LMX1B: variants seen among roughly 807,000 people sequenced by gnomAD.
The protein encoded by LMX1B is LIM homeobox transcription factor 1-beta.
LMX1B carries 12 observed loss-of-function variants against 51.4 expected under a neutral mutation model. The observed-to-expected ratio is 0.23, with a 90% CI of 0.15 to 0.38. The LOEUF is 0.38. LMX1B is among the 10% of genes least tolerant of loss of function. The pLI is 1.00. For missense variants in LMX1B, 445 were observed against 571.1 expected (o/e 0.78, Z 2.25); for synonymous variants, 237 against 235.4 (o/e 1.01, Z -0.06).
At chr9:126,670,436 A>G (rs1836428406) in intron 2 of LMX1B, among the ~76,000 whole-genome samples, 2 of 152,204 alleles carry the variant, frequency 1.3e-5, no homozygotes, top group Admixed American at 1.3e-4. Flanking sequence ...TGTGGCCAGT[A>G]TGTGTGCATA....
At position 126,641,030 on chromosome 9, in the gene LMX1B, C is replaced by T. The variant is rs1319877014; in HGVS notation, c.326+25461C>T. The T allele has an allele frequency of 6.6e-6, 1 of 152,272 alleles. No homozygotes were observed. Among genetic ancestry groups the T allele is most frequent in the African/African-American group, 2.4e-5 (1 of 41,450 alleles). The allele number at this position is 152,272 out of a possible 1,614,324, so 9.4% of individuals were successfully genotyped here. ...TCCAGAAGCACTTCCAAGTGACCTG[C>T]CTGGAAGTGACCAGGGGAAACGGTC... On this transcript the variant is annotated intron_variant, in intron 2 of 7. Transcript: ENST00000373474. This position sits in a 1 kb window ranked among gnomAD's most constrained non-coding sequence, Gnocchi z 4.1.
intron 2 of LMX1B, among the ~76,000 whole-genome samples, chr9:126,681,526 TG>T (rs1248786885): frequency 2.0e-5 from 3 of 152,076 alleles, no homozygotes; most frequent in Non-Finnish European, 4.4e-5. Flanking sequence ...ACACCTTCAC[TG>T]TGCTAACTTC....
rs192600116 is a variant in LMX1B at position 126,675,395 on chromosome 9, G to T, written c.327-15441G>T. ...ACATTTCAGTATTAAATTATGGAAT[G>T]CATTACCTCTTCAAAAACAAATTCA... On this transcript the variant is annotated intron_variant, in intron 2 of 7. Coordinates refer to ENST00000373474, the MANE Select transcript of LMX1B (RefSeq NM_001174147.2). 2.5e-3 allele frequency among the ~76,000 whole-genome samples: 379 copies of T among 152,330 alleles called. 1 individual carries two copies. Among genetic ancestry groups the T allele is most frequent in the Admixed American group, 5.4e-3 (82 of 15,294 alleles).
At chr9:126,645,018 C>A (rs188631067) in intron 2 of LMX1B, among the ~76,000 whole-genome samples, 1 of 152,170 alleles carries the variant, frequency 6.6e-6, no homozygotes, top group South Asian at 2.1e-4. Context: ...TGGAGACACT[C>A]GGCTCCCCTG....
chr9:126,621,078 T>C (rs1158945126), intron 2 of LMX1B, among the ~76,000 whole-genome samples: 1 of 152,260 alleles, frequency 6.6e-6, no homozygotes, highest in East Asian at 1.9e-4. Flanking sequence ...GCCTTTGTCC[T>C]GAGGCTCTGG....
chr9:126,633,407 C>T (rs567034126), intron 2 of LMX1B, among the ~76,000 whole-genome samples: 116 of 152,290 alleles, frequency 7.6e-4, no homozygotes, highest in African/African-American at 2.7e-3. Context: ...AATGAATGAA[C>T]GGTGCTTACC....
intron 2 of LMX1B, among the ~76,000 whole-genome samples, chr9:126,647,418 CT>C (rs974335248): frequency 6.6e-6 from 1 of 152,174 alleles, no homozygotes; most frequent in African/African-American, 2.4e-5. Flanking sequence ...GCTGCACATG[CT>C]TTTTGGCAGC....
chr9:126,648,245 C>T (rs752047872), intron 2 of LMX1B, among the ~76,000 whole-genome samples: 3 of 152,196 alleles, frequency 2.0e-5, no homozygotes, highest in Non-Finnish European at 2.9e-5. Context: ...CTGTGCTCGG[C>T]ACTAATAGCC....
chr9:126,656,170 C>G (rs1373667201), intron 2 of LMX1B, among the ~76,000 whole-genome samples: 1 of 152,012 alleles, frequency 6.6e-6, no homozygotes, highest in South Asian at 2.1e-4. Context: ...TATATTTTTA[C>G]CAAATTTATT....
rs1350232013 is a variant in LMX1B, at chr9:126,673,212, G to A, written c.327-17624G>A. Among the ~76,000 whole-genome samples, 1 of 152,182 alleles carries A rather than the reference G, an allele frequency of 6.6e-6. No homozygotes were observed. Among genetic ancestry groups the A allele is most frequent in the Admixed American group, 6.5e-5 (1 of 15,280 alleles). ...CTGGCTCACAGCAGGTATCCATGCT[G>A]GGGTCTGGGGGAGCCCCAGACACCA... On this transcript the variant is annotated intron_variant, in intron 2 of 7. Coordinates refer to ENST00000373474, the MANE Select transcript of LMX1B (RefSeq NM_001174147.2). This position sits in a 1 kb window ranked among gnomAD's most constrained non-coding sequence, Gnocchi z 4.4.
intron 7 of LMX1B, 108 bp from the exon 8 acceptor site, chr9:126,696,186 G>T (rs555007023): frequency 3.9e-6 from 5 of 1,268,386 alleles, no homozygotes; most frequent in South Asian, 1.2e-5. Context: ...TAGTCAGCAG[G>T]CCATCCTGTC....
At chr9:126,657,793 C>T (rs972564782) in intron 2 of LMX1B, among the ~76,000 whole-genome samples, 2 of 152,196 alleles carry the variant, frequency 1.3e-5, no homozygotes, top group East Asian at 1.9e-4. Flanking sequence ...GTCAAGGAAC[C>T]GCAGGGAGCT....
At chr9:126,676,884 C>T (rs1440883640) in intron 2 of LMX1B, among the ~76,000 whole-genome samples, 1 of 152,236 alleles carries the variant, frequency 6.6e-6, no homozygotes, top group Non-Finnish European at 1.5e-5. Flanking sequence ...TGTCAAATGA[C>T]TGCGGGCGAT....
In LMX1B at chr9:126,696,567, TGC is replaced by T. The variant is rs1333539123; in HGVS notation, c.*117_*118del. 5 of 1,269,442 alleles carry T rather than the reference TGC, an allele frequency of 3.9e-6. No individual in the cohort carries two copies. The Admixed American group carries it at 7.2e-5, about 18-fold the overall frequency. The allele number at this position is 1,269,442 out of a possible 1,614,324, so 78.6% of individuals were successfully genotyped here. A position where few individuals can be genotyped will look rare whatever the true frequency, so the allele number is the denominator to read the frequency against. On this transcript the variant is annotated 3_prime_UTR_variant, in exon 8 of 8. Transcript: ENST00000373474. Reference sequence around the variant, plus strand: ...GCACAGACTACAGACAGCCATACGGTGCCCTCCCCTCGGCCAGCTGGGCCTGA... The same window carrying T: ...GCACAGACTACAGACAGCCATACGGTCCTCCCCTCGGCCAGCTGGGCCTGA...
intron 2 of LMX1B, among the ~76,000 whole-genome samples, chr9:126,617,151 A>G (rs1256111525): frequency 6.6e-6 from 1 of 152,206 alleles, no homozygotes; most frequent in South Asian, 2.1e-4. Context: ...TGGGGAAAAT[A>G]GTTTGGGGTA....
At chr9:126,644,666 C>T (rs1015019547) in intron 2 of LMX1B, among the ~76,000 whole-genome samples, 1 of 152,182 alleles carries the variant, frequency 6.6e-6, no homozygotes, top group Non-Finnish European at 1.5e-5. Context: ...TGCCCTCTGG[C>T]TCAGCCGAGT....
intron 2 of LMX1B, chr9:126,640,666 C>T (rs1465965359): frequency 6.6e-6 from 1 of 152,346 alleles, no homozygotes; most frequent in Admixed American, 6.5e-5. Flanking sequence ...GGAGCATGGC[C>T]AGGATAGGCC....
At chr9:126,638,068 G>A (rs529962928) in intron 2 of LMX1B, among the ~76,000 whole-genome samples, 11 of 151,998 alleles carry the variant, frequency 7.2e-5, no homozygotes, top group African/African-American at 2.4e-4. Flanking sequence ...GGGATCTCAG[G>A]GTCTGGAAGC....
intron 2 of LMX1B, among the ~76,000 whole-genome samples, chr9:126,628,878 C>T (rs141901035): frequency 8.2e-4 from 124 of 152,090 alleles, no homozygotes; most frequent in African/African-American, 2.8e-3. Context: ...AGGAATGACA[C>T]ATCTCTGCTT....
Sources: allele counts gnomAD v4.1 joint callset (sites outside exome capture counted in the v4.1 genomes callset), GRCh38; gene constraint gnomAD v4.1.1; non-coding constraint Gnocchi (gnomAD v3.1); transcripts MANE v1.5; gene names NCBI Gene and HGNC (gene_info 2026-07-23, HGNC 2026-07-21).